TBC1D32: variants seen among roughly 807,000 people sequenced by gnomAD.
The protein encoded by TBC1D32 is TBC1 domain family member 32.
Under a neutral mutation model 170.3 loss-of-function variants are expected in TBC1D32, and 151 were observed. That is an observed-to-expected ratio of 0.89 (90% CI 0.78 to 1.01). The LOEUF is 1.01. TBC1D32 is among the 50% of genes least tolerant of loss of function. The pLI is 0.00. For synonymous variants in TBC1D32, 498 were observed against 488.0 expected (o/e 1.02, Z -0.27); for missense variants, 1,464 against 1,457.1 (o/e 1.00, Z -0.08).
At chr6:121,324,913 C>A (rs1810251341) in intron 1 of TBC1D32, among the ~76,000 whole-genome samples, 1 of 152,052 alleles carries the variant, frequency 6.6e-6, no homozygotes, top group Non-Finnish European at 1.5e-5. Flanking sequence ...TGAGGTAAGT[C>A]AAAAAAGCTC....
At chr6:121,128,051 G>A (rs1005042928) in intron 25 of TBC1D32, among the ~76,000 whole-genome samples, 4 of 152,094 alleles carry the variant, frequency 2.6e-5, no homozygotes, top group Non-Finnish European at 1.5e-5. Flanking sequence ...TTCATACGTA[G>A]CAAGCCACAC....
At chr6:121,274,678 T>A (rs992390173) in intron 15 of TBC1D32, among the ~76,000 whole-genome samples, 1 of 151,884 alleles carries the variant, frequency 6.6e-6, no homozygotes, top group Non-Finnish European at 1.5e-5. Context: ...TTTTGGATAA[T>A]TAAACACCAA....
chr6:121,251,517 A>AT, intron 17 of TBC1D32, among the ~76,000 whole-genome samples: 1 of 152,252 alleles, frequency 6.6e-6, no homozygotes, highest in Middle Eastern at 3.4e-3. Flanking sequence ...GAAAACTGAA[A>AT]CTAGATGCCT....
intron 9 of TBC1D32, among the ~76,000 whole-genome samples, chr6:121,303,229 C>T (rs1375982904): frequency 2.0e-5 from 3 of 152,034 alleles, no homozygotes; most frequent in African/African-American, 7.2e-5. Context: ...GAAATATCTC[C>T]TAAGCCTGAA....
chr6:121,331,214 T>C (rs1489188608), intron 1 of TBC1D32, among the ~76,000 whole-genome samples: 2 of 152,004 alleles, frequency 1.3e-5, no homozygotes, highest in South Asian at 2.1e-4. Context: ...GTTGTTGTTG[T>C]TGTTGTTTTT....
chr6:121,132,388 T>C (rs1582899043), intron 24 of TBC1D32, among the ~76,000 whole-genome samples: 1 of 152,004 alleles, frequency 6.6e-6, no homozygotes, highest in Admixed American at 6.6e-5. Flanking sequence ...AAAGACAACA[T>C]ATTTACCTTC....
chr6:121,301,370 A>G (rs1349122957), intron 9 of TBC1D32, among the ~76,000 whole-genome samples: 2 of 152,218 alleles, frequency 1.3e-5, no homozygotes, highest in Non-Finnish European at 2.9e-5. Flanking sequence ...AAAAAGGATG[A>G]GTTCATGTCC....
intron 6 of TBC1D32, 63 bp from the exon 7 acceptor site, chr6:121,304,688 A>T: frequency 6.5e-7 from 1 of 1,529,520 alleles, no homozygotes; most frequent in Non-Finnish European, 8.9e-7. Context: ...GAAAAAAATT[A>T]TTTCCTATCC....
intron 24 of TBC1D32, among the ~76,000 whole-genome samples, chr6:121,145,157 A>G (rs1437695036): frequency 6.6e-6 from 1 of 152,140 alleles, no homozygotes; most frequent in Non-Finnish European, 1.5e-5. Flanking sequence ...GATTTTAGTG[A>G]GGGGAAAGTA....
At chr6:121,161,323 G>C (rs969046308) in intron 22 of TBC1D32, among the ~76,000 whole-genome samples, 14 of 152,058 alleles carry the variant, frequency 9.2e-5, no homozygotes, top group Admixed American at 6.5e-4. Context: ...GCATCCATGA[G>C]CTATTCTTTC....
intron 20 of TBC1D32, among the ~76,000 whole-genome samples, chr6:121,238,528 A>C (rs1455196694): frequency 6.6e-6 from 1 of 152,130 alleles, no homozygotes; most frequent in South Asian, 2.1e-4. Context: ...AGGAATCGTC[A>C]CTTTATTTTA....
Position 121,160,010 on chromosome 6 carries a change from C to A in TBC1D32, c.2773G>T (p.Asp925Tyr). 6.3e-7 allele frequency: 1 copy of A among 1,578,668 alleles called. No homozygotes were observed. Among genetic ancestry groups the A allele is most frequent in the South Asian group, 1.1e-5 (1 of 88,562 alleles). ...DITRNAGIKQ[D>Y]NDLDKLLLCL... ...TGGCATTTGATGGTAAATATTTTAC[C>A]TTGTTTTATACCAGCATTTCTTGTA... is the stretch of plus-strand genomic sequence containing the variant. The change falls in exon 24 of 32, where the codon GAC (aspartate) becomes TAC (tyrosine). Residue 925 changes from aspartate (D) to tyrosine (Y), a missense_variant and splice_region_variant. Around this residue, in one of 3 missense-constraint regions of TBC1D32, gnomAD observed 1,363 missense variants for 1,338.1 expected, o/e 1.02. Transcript: ENST00000398212.
intron 20 of TBC1D32, among the ~76,000 whole-genome samples, chr6:121,227,332 T>C (rs1316506708): frequency 3.3e-5 from 5 of 152,136 alleles, no homozygotes; most frequent in Non-Finnish European, 5.9e-5. Flanking sequence ...GTTTTACATC[T>C]TTTTTTCCAA....
intron 24 of TBC1D32, among the ~76,000 whole-genome samples, chr6:121,154,987 CT>C (rs1562692552): frequency 6.6e-6 from 1 of 152,078 alleles, no homozygotes; most frequent in Admixed American, 6.5e-5. Context: ...TATTCCAGCT[CT>C]TTTTTGGTTC....
chr6:121,220,192 A>G (rs1794332503), intron 21 of TBC1D32, among the ~76,000 whole-genome samples: 1 of 152,248 alleles, frequency 6.6e-6, no homozygotes, highest in South Asian at 2.1e-4. Flanking sequence ...AAAGCATGTC[A>G]AAAACTGAGA....
intron 30 of TBC1D32, among the ~76,000 whole-genome samples, chr6:121,100,460 G>A (rs1339080978): frequency 3.3e-5 from 5 of 151,882 alleles, no homozygotes; most frequent in Non-Finnish European, 7.4e-5. Context: ...CCTGTATTGG[G>A]TGCATATATA....
chr6:121,169,227 A>T (rs1200343165), intron 22 of TBC1D32, among the ~76,000 whole-genome samples: 1 of 152,184 alleles, frequency 6.6e-6, no homozygotes, highest in Non-Finnish European at 1.5e-5. Context: ...AGACACATAG[A>T]CCAATGGAAC....
intron 15 of TBC1D32, among the ~76,000 whole-genome samples, chr6:121,277,825 T>TA (rs1465123762): frequency 6.6e-6 from 1 of 151,486 alleles, no homozygotes; most frequent in African/African-American, 2.4e-5. Flanking sequence ...AACCAGAAGT[T>TA]AGTTTTTTGA....
At chr6:121,329,181 C>T (rs1810870061) in intron 1 of TBC1D32, among the ~76,000 whole-genome samples, 1 of 152,000 alleles carries the variant, frequency 6.6e-6, no homozygotes, top group African/African-American at 2.4e-5. Context: ...CTCTTTTTGC[C>T]AGATTTCTTA....
Sources: gnomAD v4.1 joint callset for allele counts (sites outside exome capture counted in the v4.1 genomes callset) on GRCh38, gnomAD v4.1.1 for gene constraint, gnomAD v4.1.1 regional missense constraint, MANE v1.5 for transcripts, NCBI Gene and HGNC (gene_info 2026-07-23, HGNC 2026-07-21) for gene names.